TBC1D32: variants seen among roughly 807,000 people sequenced by gnomAD.
TBC1D32 encodes the protein TBC1 domain family member 32.
In TBC1D32, 151 loss-of-function variants were observed where a neutral mutation model predicts 170.3. The ratio of observed to expected loss-of-function variants is 0.89; its 90% CI spans 0.78 to 1.01. The LOEUF is 1.01. TBC1D32 is among the 50% of genes least tolerant of loss of function. The pLI is 0.00. For missense variants in TBC1D32, 1,464 were observed against 1,457.1 expected, an observed-to-expected ratio of 1.00 and a Z score of -0.08; for synonymous variants, 498 against 488.0, an observed-to-expected ratio of 1.02 and a Z score of -0.27.
intron 11 of TBC1D32, among the ~76,000 whole-genome samples, chr6:121,294,025 A>C (rs1805253896): frequency 6.6e-6 from 1 of 152,182 alleles, no homozygotes; most frequent in South Asian, 2.1e-4. Flanking sequence ...TAGGCATTGG[A>C]ATGCAAAAAA....
At chr6:121,296,154 T>C (rs935767791) in intron 10 of TBC1D32, among the ~76,000 whole-genome samples, 3 of 152,196 alleles carry the variant, frequency 2.0e-5, no homozygotes, top group Non-Finnish European at 4.4e-5. Context: ...GAGTTAAGCA[T>C]GTCTTATGTG....
chr6:121,288,893 C>A (rs1393182192), intron 12 of TBC1D32, among the ~76,000 whole-genome samples: 3 of 151,982 alleles, frequency 2.0e-5, no homozygotes, highest in Non-Finnish European at 4.4e-5. Flanking sequence ...ACAGAACCAA[C>A]GACAAAAACC....
At chr6:121,232,506 T>A (rs1257716243) in intron 20 of TBC1D32, among the ~76,000 whole-genome samples, 1 of 152,128 alleles carries the variant, frequency 6.6e-6, no homozygotes, top group African/African-American at 2.4e-5. Context: ...TGTAAATTGC[T>A]TTGGGAAGTA....
chr6:121,334,642 G>T (rs536941838), upstream of TBC1D32: 24 of 601,944 alleles, frequency 4.0e-5, no homozygotes, highest in African/African-American at 4.1e-4. Flanking sequence ...GGTCCGCGAG[G>T]TCTCGCCTCT....
At chr6:121,096,829 G>A (rs1048610327) in intron 30 of TBC1D32, among the ~76,000 whole-genome samples, 1 of 152,102 alleles carries the variant, frequency 6.6e-6, no homozygotes, top group Non-Finnish European at 1.5e-5. Context: ...AAACAACATG[G>A]TAGTGGTACC....
Position 121,080,857 on chromosome 6 carries a change from A to G in TBC1D32, c.3688T>C (p.Tyr1230His). 1 of 1,613,914 alleles carries G rather than the reference A, an allele frequency of 6.2e-7. No homozygotes were observed. Among genetic ancestry groups the G allele is most frequent in the Non-Finnish European group, 8.5e-7 (1 of 1,179,878 alleles). Residue 1230 changes from tyrosine (Y) to histidine (H), a missense_variant, in exon 32 of 32, where the codon TAT becomes CAT. Transcript: ENST00000398212. ...EALHGFRVSD[Y>H]FEYMEILEQN... ...TCCAAAATTTCCATGTATTCAAAATAATCACTCACTCGAAACCCATGCAGT... is the reference window on the plus strand; with the variant it reads ...TCCAAAATTTCCATGTATTCAAAATGATCACTCACTCGAAACCCATGCAGT...
chr6:121,216,593 T>C (rs953831157), intron 21 of TBC1D32, among the ~76,000 whole-genome samples: 6 of 152,142 alleles, frequency 3.9e-5, no homozygotes, highest in Admixed American at 3.9e-4. Flanking sequence ...TTATGCAAAA[T>C]AAATGCATTT....
intron 24 of TBC1D32, among the ~76,000 whole-genome samples, chr6:121,133,712 A>C (rs28449923): frequency 0.032 from 4,885 of 152,130 alleles, 261 homozygotes; most frequent in African/African-American, 0.11. Context: ...TACATACACC[A>C]AACACATGTG....
At chr6:121,147,628 G>A (rs1415428954) in intron 24 of TBC1D32, among the ~76,000 whole-genome samples, 1 of 151,928 alleles carries the variant, frequency 6.6e-6, no homozygotes, top group Non-Finnish European at 1.5e-5. Flanking sequence ...GTCTTGCTCT[G>A]TCACCCAGGC....
At chr6:121,252,254 C>G (rs994089078) in intron 17 of TBC1D32, among the ~76,000 whole-genome samples, 6 of 152,152 alleles carry the variant, frequency 3.9e-5, no homozygotes, top group African/African-American at 1.4e-4. Flanking sequence ...AATCATTCTA[C>G]TATAAAGACA....
chr6:121,082,558 A>C (rs1775752021), intron 31 of TBC1D32, among the ~76,000 whole-genome samples: 1 of 151,986 alleles, frequency 6.6e-6, no homozygotes, highest in South Asian at 2.1e-4. Context: ...CTGTTTCAGG[A>C]CATATTATTT....
intron 17 of TBC1D32, among the ~76,000 whole-genome samples, chr6:121,254,669 C>T (rs77307473): frequency 0.027 from 4,154 of 151,978 alleles, 152 homozygotes; most frequent in African/African-American, 0.087. Context: ...ATTCAAATTC[C>T]ACTTCAACAT....
At chr6:121,112,760 T>C in intron 28 of TBC1D32, 101 bp from the exon 29 acceptor site, 1 of 1,062,466 alleles carries the variant, frequency 9.4e-7, no homozygotes, top group Middle Eastern at 3.1e-4. Context: ...AAAGCAGACA[T>C]TCTTATTCTG....
chr6:121,222,016 A>G (rs1053116407), intron 21 of TBC1D32, among the ~76,000 whole-genome samples: 8 of 152,112 alleles, frequency 5.3e-5, no homozygotes, highest in Non-Finnish European at 1.2e-4. Context: ...CTGTTCTCTT[A>G]TTTTCAGAAA....
intron 20 of TBC1D32, among the ~76,000 whole-genome samples, chr6:121,235,204 T>G (rs1354286840): frequency 6.6e-6 from 1 of 152,156 alleles, no homozygotes; most frequent in Non-Finnish European, 1.5e-5. Context: ...GGTGGCACTT[T>G]CAAGAGGGCA....
intron 22 of TBC1D32, among the ~76,000 whole-genome samples, chr6:121,169,187 A>C (rs1185794525): frequency 6.6e-6 from 1 of 152,200 alleles, no homozygotes; most frequent in African/African-American, 2.4e-5. Flanking sequence ...GGCTACACTA[A>C]CCAAAATAGC....
At chr6:121,177,942 G>T (rs1787991654) in intron 22 of TBC1D32, among the ~76,000 whole-genome samples, 1 of 152,084 alleles carries the variant, frequency 6.6e-6, no homozygotes, top group Admixed American at 6.6e-5. Flanking sequence ...TGCTGATAAA[G>T]ACATACCCAA....
intron 24 of TBC1D32, among the ~76,000 whole-genome samples, chr6:121,140,182 A>T (rs1782612566): frequency 6.6e-6 from 1 of 152,066 alleles, no homozygotes; most frequent in Non-Finnish European, 1.5e-5. Context: ...TTCAAGACAT[A>T]TTTTATACTG....
At chr6:121,287,610 C>T (rs2128456381) in intron 12 of TBC1D32, among the ~76,000 whole-genome samples, 1 of 152,276 alleles carries the variant, frequency 6.6e-6, no homozygotes, top group East Asian at 1.9e-4. Context: ...GGAAAGTTAA[C>T]AAGGATATCC....
Sources: allele counts gnomAD v4.1 joint callset (sites outside exome capture counted in the v4.1 genomes callset), GRCh38; gene constraint gnomAD v4.1.1; transcripts MANE v1.5; gene names NCBI Gene and HGNC (gene_info 2026-07-23, HGNC 2026-07-21).